The following LDLRAD4 variants were observed in gnomAD, a reference collection of about 807,000 sequenced individuals.
The protein encoded by LDLRAD4 is low-density lipoprotein receptor class A domain-containing protein 4.
Under a neutral mutation model 17.0 loss-of-function variants are expected in LDLRAD4, and 5 were observed. That is an observed-to-expected ratio of 0.29 (90% confidence interval 0.15 to 0.62). LDLRAD4 has a LOEUF of 0.62. Ranked by LOEUF, LDLRAD4 falls within the 20% of genes least tolerant of loss-of-function variation. The pLI is 0.84. For missense variants in LDLRAD4, 340 were observed against 424.7 expected, an observed-to-expected ratio of 0.80 and a Z score of 1.75; for synonymous variants, 168 against 171.8, an observed-to-expected ratio of 0.98 and a Z score of 0.17.
chr18:13,434,898 C>T (rs983121088), intron 2 of LDLRAD4, among the ~76,000 whole-genome samples: 4 of 152,360 alleles, frequency 2.6e-5, no homozygotes, highest in East Asian at 1.9e-4. Flanking sequence ...TCTCCATCTG[C>T]GCTGCCCATT....
chr18:13,532,857 C>T (rs2094149169), intron 3 of LDLRAD4, among the ~76,000 whole-genome samples: 1 of 152,192 alleles, frequency 6.6e-6, no homozygotes, highest in Non-Finnish European at 1.5e-5. Context: ...CGCCTTCCGT[C>T]CTCCAGGCTC....
In LDLRAD4 at chr18:13,465,480, G is replaced by A. The variant is rs117112826; in HGVS notation, c.181+27096G>A. Among the ~76,000 whole-genome samples, 939 of 152,334 alleles carry A rather than the reference G, an allele frequency of 6.2e-3. 9 individuals carry two copies. The highest frequency in any genetic ancestry group is 0.017 in the Middle Eastern group (5 of 294). On this transcript the variant is annotated intron_variant, in intron 3 of 5. Coordinates refer to ENST00000359446, the Ensembl canonical transcript of LDLRAD4. ...ATTTTCAGCCATGAAAATGAGTAAA[G>A]GGGAGATGGGCATACGAAAGGCTGC...
chr18:13,580,298 G>T (rs1451672699), intron 3 of LDLRAD4, among the ~76,000 whole-genome samples: 2 of 152,286 alleles, frequency 1.3e-5, no homozygotes, highest in Non-Finnish European at 2.9e-5. Context: ...CACAGCTGTG[G>T]TCACCCCACC....
intron 1 of LDLRAD4, among the ~76,000 whole-genome samples, chr18:13,225,975 C>A (rs2145414033): frequency 6.6e-6 from 1 of 152,026 alleles, no homozygotes; most frequent in East Asian, 1.9e-4. Flanking sequence ...AATATGATTG[C>A]ATTGAACGTC....
chr18:13,448,628 G>A (rs148686868), intron 3 of LDLRAD4, among the ~76,000 whole-genome samples: 1 of 152,020 alleles, frequency 6.6e-6, no homozygotes, highest in Non-Finnish European at 1.5e-5. Context: ...GAGATATTGA[G>A]GTAAAGATGA....
intron 3 of LDLRAD4, among the ~76,000 whole-genome samples, chr18:13,482,964 G>A (rs2093129915): frequency 6.6e-6 from 1 of 152,150 alleles, no homozygotes; most frequent in South Asian, 2.1e-4. Flanking sequence ...TCCTTCCAGA[G>A]GAACTTCCCT....
In LDLRAD4 at chr18:13,489,121, AT is replaced by A. The variant is rs924821554; in HGVS notation, c.181+50740del. The A allele has an allele frequency of 1.1e-4, 16 of 149,138 alleles. No homozygotes were observed. In the East Asian group the frequency reaches 3.2e-3, roughly 29 times the overall value. The allele number at this position is 149,138 out of a possible 1,614,324, so 9.2% of individuals were successfully genotyped here. ...TGAAAATTCCTGGAAAAAGGTGGAG[AT>A]TTATTGGAATTGTGGTGCTACCCAT... is the stretch of plus-strand genomic sequence containing the variant. On this transcript the variant is annotated intron_variant, in intron 3 of 5. Transcript: ENST00000359446.
At chr18:13,362,072 C>CA (rs754985374) in intron 1 of LDLRAD4, 1 of 152,018 alleles carries the variant, frequency 6.6e-6, no homozygotes, top group Non-Finnish European at 1.5e-5. Context: ...GGTCTGTGGG[C>CA]AAAGGCACAC....
chr18:13,296,103 T>G (rs2046258305), intron 1 of LDLRAD4, among the ~76,000 whole-genome samples: 2 of 152,228 alleles, frequency 1.3e-5, no homozygotes, highest in African/African-American at 2.4e-5. Context: ...GCATCTCTCG[T>G]GCATCCCTCC....
intron 3 of LDLRAD4, among the ~76,000 whole-genome samples, chr18:13,502,626 A>G (rs1191116219): frequency 6.6e-6 from 1 of 152,104 alleles, no homozygotes; most frequent in East Asian, 1.9e-4. Context: ...TGGCAAAGGA[A>G]CAAGCCGTGT....
At chr18:13,493,477 A>G (rs2093399590) in intron 3 of LDLRAD4, among the ~76,000 whole-genome samples, 1 of 152,190 alleles carries the variant, frequency 6.6e-6, no homozygotes, top group Non-Finnish European at 1.5e-5. Context: ...TTTTATGGAA[A>G]AACAAATCAT....
chr18:13,304,499 G>C (rs1192491187), intron 1 of LDLRAD4, among the ~76,000 whole-genome samples: 3 of 152,118 alleles, frequency 2.0e-5, no homozygotes, highest in Non-Finnish European at 4.4e-5. Flanking sequence ...GGAGTCCCCA[G>C]CATGCTGTCG....
intron 3 of LDLRAD4, among the ~76,000 whole-genome samples, chr18:13,574,695 C>T (rs1476598762): frequency 6.6e-6 from 1 of 152,182 alleles, no homozygotes; most frequent in Admixed American, 6.5e-5. Flanking sequence ...CGAAATGCCT[C>T]AATTTAGGAG....
At chr18:13,463,310 G>A (rs1470655436) in intron 3 of LDLRAD4, among the ~76,000 whole-genome samples, 1 of 152,120 alleles carries the variant, frequency 6.6e-6, no homozygotes, top group Non-Finnish European at 1.5e-5. Context: ...TGGAGGCCAT[G>A]CTGCCTGCCC....
intron 1 of LDLRAD4, among the ~76,000 whole-genome samples, chr18:13,354,506 A>G (rs1056834304): frequency 1.4e-4 from 21 of 152,200 alleles, no homozygotes; most frequent in African/African-American, 5.1e-4. Flanking sequence ...GTGATTAGAA[A>G]TTACATCATT....
At chr18:13,568,667 G>A (rs1601445803) in intron 3 of LDLRAD4, among the ~76,000 whole-genome samples, 1 of 152,318 alleles carries the variant, frequency 6.6e-6, no homozygotes, top group East Asian at 1.9e-4. Context: ...AGAAAGGGAA[G>A]GCAGAATAAA....
intron 1 of LDLRAD4, among the ~76,000 whole-genome samples, chr18:13,249,517 T>C (rs2043128755): frequency 6.6e-6 from 1 of 152,244 alleles, no homozygotes; most frequent in African/African-American, 2.4e-5. Flanking sequence ...ATTTTTCATA[T>C]ATTAATATTT....
chr18:13,634,418 C>T (rs2041917383), intron 4 of LDLRAD4, among the ~76,000 whole-genome samples: 1 of 152,100 alleles, frequency 6.6e-6, no homozygotes, highest in African/African-American at 2.4e-5. Context: ...CATTTATTTT[C>T]ATGTACAATG....
chr18:13,255,686 G>T (rs1209951214), intron 1 of LDLRAD4, among the ~76,000 whole-genome samples: 1 of 152,014 alleles, frequency 6.6e-6, no homozygotes, highest in Non-Finnish European at 1.5e-5. Context: ...CAAGGGAGAG[G>T]CAGGGTGCCA....
Sources: gnomAD v4.1 joint callset for allele counts (sites outside exome capture counted in the v4.1 genomes callset) on GRCh38, gnomAD v4.1.1 for gene constraint, MANE v1.5 for transcripts, NCBI Gene and HGNC (gene_info 2026-07-23, HGNC 2026-07-21) for gene names.